The following BAZ1B variants were observed in gnomAD, a reference collection of about 807,000 sequenced individuals.
BAZ1B encodes bromodomain adjacent to zinc finger domain 1B, also known as tyrosine-protein kinase BAZ1B.
In BAZ1B, 22 loss-of-function variants were observed where a neutral mutation model predicts 153.8. That is an observed-to-expected ratio of 0.14 (90% CI 0.10 to 0.20). The LOEUF is 0.20. Ranked by LOEUF, BAZ1B falls within the 10% of genes least tolerant of loss-of-function variation. BAZ1B has a pLI of 1.00. For missense variants in BAZ1B, 1,325 were observed against 1,799.3 expected (o/e 0.74, Z 4.77); for synonymous variants, 676 against 633.4 (o/e 1.07, Z -1.01).
At chr7:73,449,779 G>A in intron 14 of BAZ1B, 90 bp from the exon 15 acceptor site, 1 of 1,391,736 alleles carries the variant, frequency 7.2e-7, no homozygotes, top group Middle Eastern at 2.0e-4. Context: ...ACAATTCAAG[G>A]CACACGAGGA....
chr7:73,452,742 AG>A (rs1788065111), intron 13 of BAZ1B, among the ~76,000 whole-genome samples: 2 of 151,554 alleles, frequency 1.3e-5, no homozygotes, highest in African/African-American at 2.4e-5. Flanking sequence ...AAAAAAAAAA[AG>A]TGATACACAT....
At chr7:73,459,012 G>T (rs1002317678) in intron 13 of BAZ1B, among the ~76,000 whole-genome samples, 2 of 152,160 alleles carry the variant, frequency 1.3e-5, no homozygotes, top group African/African-American at 4.8e-5. Context: ...ACATTGGGAG[G>T]CCGAAGCGGG....
rs975623036 is a variant in BAZ1B, at chr7:73,476,967, C to T, written c.2494G>A (p.Asp832Asn). The T allele has an allele frequency of 3.1e-6, 5 of 1,614,210 alleles. No individual in the cohort carries two copies. The highest frequency in any genetic ancestry group is 4.2e-6 in the Non-Finnish European group (5 of 1,180,042). Residue 832 changes from aspartate to asparagine, a missense_variant, in exon 7 of 20, where the codon GAT (aspartate) becomes AAT (asparagine). By Grantham distance (23) the Asp-to-Asn change is conservative (BLOSUM62 1). Transcript: ENST00000339594. Reference protein sequence around the residue: ...KEIVKFEPQVDTEAEDMISAV... With the variant: ...KEIVKFEPQVNTEAEDMISAV... ...CTAATCATGTCTTCAGCTTCTGTAT[C>T]TACTTGGGGCTCAAACTTCACAATT... is the stretch of plus-strand genomic sequence containing the variant.
intron 3 of BAZ1B, among the ~76,000 whole-genome samples, chr7:73,507,026 C>T (rs1790372588): frequency 6.7e-6 from 1 of 149,582 alleles, no homozygotes; most frequent in South Asian, 2.1e-4. Context: ...CTACAGGCGC[C>T]CGCCACCACG....
chr7:73,510,407 C>T (rs1790532946), intron 2 of BAZ1B, among the ~76,000 whole-genome samples: 1 of 151,978 alleles, frequency 6.6e-6, no homozygotes, highest in African/African-American at 2.4e-5. Flanking sequence ...CCAGCCTGGG[C>T]GAGAGCGAGA....
intron 6 of BAZ1B, among the ~76,000 whole-genome samples, chr7:73,481,445 A>G (rs2116351128): frequency 6.8e-6 from 1 of 146,280 alleles, no homozygotes. Flanking sequence ...TGAACCTGGG[A>G]GGTGGAGCTA....
intron 5 of BAZ1B, among the ~76,000 whole-genome samples, chr7:73,491,681 A>G (rs187569403): frequency 6.6e-6 from 1 of 152,332 alleles, no homozygotes; most frequent in East Asian, 1.9e-4. Context: ...CAACAGTCAG[A>G]ATGGAATCGG....
rs1451745775 is a variant in BAZ1B, at chr7:73,508,562, T to C, written c.225-91A>G. 4.3e-6 allele frequency: 6 copies of C among 1,386,120 alleles called. No individual in the cohort carries two copies. The African/African-American group carries it at 8.7e-5, about 20-fold the overall frequency. 85.9% of individuals were successfully genotyped at this position (1,386,120 alleles called of 1,614,324 possible). ...AATTCAAACATTTCTTTCTTTCTTT[T>C]CCAAACATTTCAAACATTTATCGCT... is the stretch of plus-strand genomic sequence containing the variant. On this transcript the variant is annotated intron_variant, in intron 2 of 19. Transcript: ENST00000339594.
chr7:73,516,688 T>C (rs1475685775), intron 1 of BAZ1B, among the ~76,000 whole-genome samples: 5 of 137,718 alleles, frequency 3.6e-5, no homozygotes, highest in Non-Finnish European at 6.0e-5. Flanking sequence ...GGCAGGAGAA[T>C]TGCTCGAAGT....
intron 4 of BAZ1B, among the ~76,000 whole-genome samples, chr7:73,493,818 G>A (rs1188877071): frequency 1.4e-5 from 2 of 141,092 alleles, no homozygotes; most frequent in Admixed American, 7.4e-5. Flanking sequence ...CACACTAAGA[G>A]ACAGAGTGAA....
intron 7 of BAZ1B, among the ~76,000 whole-genome samples, chr7:73,473,301 C>T (rs1788882711): frequency 6.6e-6 from 1 of 152,112 alleles, no homozygotes; most frequent in Non-Finnish European, 1.5e-5. Context: ...GCCTTTAATC[C>T]CAGCAATTTG....
chr7:73,492,973 C>T (rs782261405), intron 4 of BAZ1B, 52 bp from the exon 5 acceptor site: 1 of 1,528,906 alleles, frequency 6.5e-7, no homozygotes, highest in African/African-American at 1.4e-5. Context: ...TAATCCTTTT[C>T]ATTCATTCAT....
At chr7:73,467,057 C>T (rs1788616884) in intron 9 of BAZ1B, among the ~76,000 whole-genome samples, 1 of 152,092 alleles carries the variant, frequency 6.6e-6, no homozygotes, top group African/African-American at 2.4e-5. Context: ...CTCAGACTCC[C>T]GAGTGGCTGG....
intron 13 of BAZ1B, among the ~76,000 whole-genome samples, chr7:73,453,496 G>A (rs1788087270): frequency 6.6e-6 from 1 of 152,208 alleles, no homozygotes; most frequent in Admixed American, 6.5e-5. Context: ...AAATGGAAAG[G>A]ACAGACGTGA....
At chr7:73,491,985 G>A (rs1175815068) in intron 5 of BAZ1B, among the ~76,000 whole-genome samples, 1 of 139,326 alleles carries the variant, frequency 7.2e-6, no homozygotes, top group Non-Finnish European at 1.5e-5. Flanking sequence ...TCAGCAAAAC[G>A]CTTTTTTTTT....
At chr7:73,449,253 G>A (rs1554567466) in intron 15 of BAZ1B, among the ~76,000 whole-genome samples, 1 of 152,168 alleles carries the variant, frequency 6.6e-6, no homozygotes, top group African/African-American at 2.4e-5. Context: ...CACAGGAAGT[G>A]GGCAACAGGA....
At chr7:73,510,075 C>T (rs1340701729) in intron 2 of BAZ1B, among the ~76,000 whole-genome samples, 1 of 151,236 alleles carries the variant, frequency 6.6e-6, no homozygotes, top group African/African-American at 2.4e-5. Flanking sequence ...TACAGTGGGC[C>T]GAAATCGTGC....
intron 1 of BAZ1B, among the ~76,000 whole-genome samples, chr7:73,520,204 C>G (rs1028620347): frequency 6.8e-6 from 1 of 147,206 alleles, no homozygotes; most frequent in Non-Finnish European, 1.5e-5. Flanking sequence ...GAGGGAAACT[C>G]CGTCTCAAAA....
intron 7 of BAZ1B, among the ~76,000 whole-genome samples, chr7:73,473,495 A>C (rs1342521067): frequency 6.6e-6 from 1 of 152,288 alleles, no homozygotes; most frequent in South Asian, 2.1e-4. Flanking sequence ...TGGAGGTTGC[A>C]GTGAGCCAGA....
Sources: allele counts gnomAD v4.1 joint callset (sites outside exome capture counted in the v4.1 genomes callset), GRCh38; gene constraint gnomAD v4.1.1; transcripts MANE v1.5; gene names NCBI Gene and HGNC (gene_info 2026-07-23, HGNC 2026-07-21).